The following FHIT variants were observed in gnomAD, a reference collection of about 807,000 sequenced individuals.
The protein encoded by FHIT is fragile histidine triad diadenosine triphosphatase.
Under a neutral mutation model 17.9 loss-of-function variants are expected in FHIT, and 19 were observed. The observed-to-expected ratio is 1.06, with a 90% CI of 0.74 to 1.56. The LOEUF (loss-of-function observed/expected upper bound fraction) is 1.56, where lower values mean the gene tolerates loss of function less well. Among genes scored for constraint, FHIT ranks in the 40% most tolerant of loss-of-function variants. The pLI, the probability that FHIT is intolerant of heterozygous loss-of-function variation, is 0.00. For synonymous variants in FHIT, 81 were observed against 69.7 expected (o/e 1.16, Z -0.81); for missense variants, 248 against 189.2 (o/e 1.31, Z -1.82).
chr3:60,888,123 G>A (rs183199965), intron 3 of FHIT, among the ~76,000 whole-genome samples: 25 of 152,292 alleles, frequency 1.6e-4, no homozygotes, highest in African/African-American at 6.0e-4. Flanking sequence ...CAAGAACTGT[G>A]AACCCTGGAG....
chr3:59,886,453 T>C (rs910788682), intron 8 of FHIT, among the ~76,000 whole-genome samples: 10 of 152,248 alleles, frequency 6.6e-5, no homozygotes, highest in Non-Finnish European at 1.2e-4. Flanking sequence ...ATCTGGCTTA[T>C]AGTTCTGCAG....
intron 5 of FHIT, among the ~76,000 whole-genome samples, chr3:60,018,314 G>T (rs908480354): frequency 6.6e-6 from 1 of 152,138 alleles, no homozygotes; most frequent in African/African-American, 2.4e-5. Context: ...TGAAGGATCT[G>T]CCCCCAAACA....
At chr3:60,082,935 TG>T (rs1190707746) in intron 5 of FHIT, among the ~76,000 whole-genome samples, 1 of 152,180 alleles carries the variant, frequency 6.6e-6, no homozygotes, top group Non-Finnish European at 1.5e-5. Flanking sequence ...GTTTCTCTGT[TG>T]GTAGTTTCTT....
chr3:59,956,401 G>A (rs1478748838), intron 7 of FHIT, among the ~76,000 whole-genome samples: 1 of 152,202 alleles, frequency 6.6e-6, no homozygotes, highest in African/African-American at 2.4e-5. Flanking sequence ...CGGGCATGGT[G>A]GCTCACGCCT....
At chr3:60,662,084 CT>C (rs1293359439) in intron 4 of FHIT, among the ~76,000 whole-genome samples, 2 of 151,990 alleles carry the variant, frequency 1.3e-5, no homozygotes, top group African/African-American at 4.8e-5. Flanking sequence ...TTTGTTTTTG[CT>C]TTTCGTTTCG....
chr3:60,977,153 A>G (rs1710291269), intron 3 of FHIT, among the ~76,000 whole-genome samples: 1 of 152,144 alleles, frequency 6.6e-6, no homozygotes, highest in East Asian at 1.9e-4. Context: ...TTCACAGATC[A>G]TTCATAATCA....
intron 8 of FHIT, among the ~76,000 whole-genome samples, chr3:59,857,721 T>TTTTTTTTTC (rs1329204640): frequency 6.6e-6 from 1 of 150,856 alleles, no homozygotes; most frequent in African/African-American, 2.5e-5. Context: ...TTTTTTTTTT[T>TTTTTTTTTC]TGTATCCTAA....
intron 5 of FHIT, among the ~76,000 whole-genome samples, chr3:60,236,260 G>A (rs921907387): frequency 1.3e-5 from 2 of 149,150 alleles, no homozygotes; most frequent in African/African-American, 5.0e-5. Context: ...TACTTTCTAT[G>A]TGTTTGCCAC....
intron 5 of FHIT, among the ~76,000 whole-genome samples, chr3:60,036,294 A>T (rs1430200220): frequency 3.3e-5 from 5 of 152,322 alleles, no homozygotes; most frequent in Middle Eastern, 6.8e-3. Flanking sequence ...AGAAAACCAC[A>T]GTCCTTCCTG....
At chr3:59,951,674 CA>C (rs1007889581) in intron 7 of FHIT, among the ~76,000 whole-genome samples, 4 of 151,950 alleles carry the variant, frequency 2.6e-5, no homozygotes, top group Non-Finnish European at 5.9e-5. Flanking sequence ...ACCTAAGTTC[CA>C]AATAGAACTT....
intron 4 of FHIT, among the ~76,000 whole-genome samples, chr3:60,599,413 T>A (rs930521799): frequency 6.6e-6 from 1 of 152,152 alleles, no homozygotes; most frequent in Non-Finnish European, 1.5e-5. Context: ...GAGTTTTGCA[T>A]GAAGGATGTG....
intron 3 of FHIT, among the ~76,000 whole-genome samples, chr3:61,031,786 A>C (rs948995676): frequency 6.6e-6 from 1 of 152,210 alleles, no homozygotes; most frequent in African/African-American, 2.4e-5. Flanking sequence ...TGGAAGTTAT[A>C]CTGAACAGGC....
At chr3:59,846,300 T>A (rs1160859758) in intron 8 of FHIT, among the ~76,000 whole-genome samples, 1 of 152,158 alleles carries the variant, frequency 6.6e-6, no homozygotes, top group Admixed American at 6.5e-5. Flanking sequence ...GAAATTATAT[T>A]TAACATCCTG....
chr3:59,817,580 A>AG (rs398052008), intron 8 of FHIT, among the ~76,000 whole-genome samples: 2 of 117,686 alleles, frequency 1.7e-5, no homozygotes, highest in African/African-American at 5.4e-5. Context: ...AAAAAAAAAA[A>AG]GAAAGAAAGA....
At chr3:60,533,287 C>T (rs1220050615) in intron 5 of FHIT, among the ~76,000 whole-genome samples, 1 of 152,174 alleles carries the variant, frequency 6.6e-6, no homozygotes, top group African/African-American at 2.4e-5. Flanking sequence ...GGGATTTCGG[C>T]ACATCCTGTC....
chr3:60,672,907 G>GTGTGTGTGTGT, intron 4 of FHIT, among the ~76,000 whole-genome samples: 1 of 150,568 alleles, frequency 6.6e-6, no homozygotes, highest in African/African-American at 2.4e-5. Flanking sequence ...GTGTGTGTGT[G>GTGTGTGTGTGT]CATGCATGCT....
intron 4 of FHIT, among the ~76,000 whole-genome samples, chr3:60,686,285 T>C (rs2040860237): frequency 6.6e-6 from 1 of 152,206 alleles, no homozygotes; most frequent in Non-Finnish European, 1.5e-5. Flanking sequence ...ACAATGTGCC[T>C]CAGCATCTTG....
chr3:60,937,211 C>T (rs1446584497), intron 3 of FHIT, among the ~76,000 whole-genome samples: 1 of 152,114 alleles, frequency 6.6e-6, no homozygotes, highest in Non-Finnish European at 1.5e-5. Flanking sequence ...ATTCCACAGA[C>T]CCACATTAAT....
At chr3:60,006,820 T>C (rs1388815694) in intron 7 of FHIT, among the ~76,000 whole-genome samples, 2 of 152,138 alleles carry the variant, frequency 1.3e-5, no homozygotes, top group Non-Finnish European at 1.5e-5. Context: ...TTTTCATGAA[T>C]CTGAAAGATT....
Sources: gnomAD v4.1 joint callset for allele counts (sites outside exome capture counted in the v4.1 genomes callset) on GRCh38, gnomAD v4.1.1 for gene constraint, MANE v1.5 for transcripts, NCBI Gene and HGNC (gene_info 2026-07-23, HGNC 2026-07-21) for gene names.